The following MGAT4C variants were observed in gnomAD, a reference collection of about 807,000 sequenced individuals.
MGAT4C encodes MGAT4 family member C.
Under a neutral mutation model 40.1 loss-of-function variants are expected in MGAT4C, and 19 were observed. The observed-to-expected ratio is 0.47, with a 90% confidence interval of 0.33 to 0.70. MGAT4C has a LOEUF of 0.70. Ranked by LOEUF, MGAT4C falls within the 30% of genes least tolerant of loss-of-function variation. MGAT4C has a pLI of 0.02. For synonymous variants in MGAT4C, 181 were observed against 187.1 expected, an observed-to-expected ratio of 0.97 and a Z score of 0.27; for missense variants, 491 against 563.2, an observed-to-expected ratio of 0.87 and a Z score of 1.30.
rs372283599 is a variant in MGAT4C, at chr12:86,153,874, G to A, written c.-57+102365C>T. Among the ~76,000 whole-genome samples, 40 of 152,188 alleles carry A rather than the reference G, an allele frequency of 2.6e-4. No homozygotes were observed. In the South Asian group the frequency reaches 6.8e-3, roughly 26 times the overall value. ...TTTGGATATTTCTTTACAGCAGTGT[G>A]AAAATAGACTAATACACTCCCCATG... On this transcript the variant is annotated intron_variant, in intron 1 of 4. Transcript: ENST00000611864.
intron 2 of MGAT4C, among the ~76,000 whole-genome samples, chr12:86,686,133 C>T (rs1019607544): frequency 6.6e-6 from 1 of 151,946 alleles, no homozygotes; most frequent in Non-Finnish European, 1.5e-5. Flanking sequence ...CCCGTCTCAG[C>T]CTCCCAAAGT....
At chr12:86,600,182 A>G (rs74763674) in intron 2 of MGAT4C, among the ~76,000 whole-genome samples, 4,703 of 152,250 alleles carry the variant, frequency 0.031, 122 homozygotes, top group African/African-American at 0.074. Flanking sequence ...CAGGGAAAAC[A>G]TTTCAGACAA....
At chr12:86,696,871 A>T (rs1488545666) in intron 2 of MGAT4C, among the ~76,000 whole-genome samples, 2 of 152,164 alleles carry the variant, frequency 1.3e-5, no homozygotes, top group African/African-American at 2.4e-5. Context: ...CAAATCTATA[A>T]GTAAGAAAGC....
chr12:86,671,956 C>T (rs1049346644), intron 2 of MGAT4C, among the ~76,000 whole-genome samples: 2 of 152,036 alleles, frequency 1.3e-5, no homozygotes, highest in Admixed American at 1.3e-4. Flanking sequence ...ATTTTGAGAA[C>T]ATTTCATCCA....
chr12:86,581,572 T>A (rs996198334), intron 2 of MGAT4C, among the ~76,000 whole-genome samples: 1 of 151,396 alleles, frequency 6.6e-6, no homozygotes, highest in South Asian at 2.1e-4. Context: ...AGTGAGTGAG[T>A]AGTCTTGGCC....
At chr12:86,452,970 T>C (rs1448724348) in intron 2 of MGAT4C, among the ~76,000 whole-genome samples, 2 of 152,186 alleles carry the variant, frequency 1.3e-5, no homozygotes, top group Non-Finnish European at 2.9e-5. Flanking sequence ...CTTAATTGCA[T>C]TGAAATCTTC....
At chr12:86,523,383 C>T (rs541438827) in intron 2 of MGAT4C, among the ~76,000 whole-genome samples, 6 of 152,202 alleles carry the variant, frequency 3.9e-5, no homozygotes, top group Admixed American at 1.3e-4. Flanking sequence ...ATTCAATTTC[C>T]ATGTAAACAT....
intron 3 of MGAT4C, among the ~76,000 whole-genome samples, chr12:86,432,096 G>A (rs143439461): frequency 4.6e-5 from 7 of 152,120 alleles, no homozygotes; most frequent in African/African-American, 1.4e-4. Context: ...TGTTAAGGAG[G>A]TAAAGGGAAT....
intron 2 of MGAT4C, among the ~76,000 whole-genome samples, chr12:86,670,717 C>T (rs2897357): frequency 0.31 from 46,793 of 151,932 alleles, 8,980 homozygotes; most frequent in Admixed American, 0.45. Context: ...CCTGAGAACA[C>T]CTGAAAGATA....
At chr12:86,478,003 A>G (rs1324997571) in intron 2 of MGAT4C, among the ~76,000 whole-genome samples, 1 of 151,954 alleles carries the variant, frequency 6.6e-6, no homozygotes, top group Non-Finnish European at 1.5e-5. Flanking sequence ...TTTCTACTTT[A>G]CTTCCGAATT....
chr12:86,785,962 C>A (rs1182627969), intron 1 of MGAT4C, among the ~76,000 whole-genome samples: 3 of 151,950 alleles, frequency 2.0e-5, no homozygotes, highest in African/African-American at 7.2e-5. Context: ...CTTCTTGGGT[C>A]GTTAAGCAAA....
At chr12:86,159,813 G>T (rs1885394825) in intron 1 of MGAT4C, among the ~76,000 whole-genome samples, 1 of 151,950 alleles carries the variant, frequency 6.6e-6, no homozygotes, top group African/African-American at 2.4e-5. Context: ...TAATTTATGT[G>T]CATAGTTGTC....
At chr12:86,338,665 C>A (rs912724818) in intron 3 of MGAT4C, among the ~76,000 whole-genome samples, 2 of 152,000 alleles carry the variant, frequency 1.3e-5, no homozygotes, top group African/African-American at 4.8e-5. Flanking sequence ...CTTTCTCAGT[C>A]ATAATTTTGC....
At chr12:86,384,264 C>T (rs1956011612) in intron 3 of MGAT4C, among the ~76,000 whole-genome samples, 1 of 152,146 alleles carries the variant, frequency 6.6e-6, no homozygotes, top group South Asian at 2.1e-4. Context: ...TAAAACCATA[C>T]TTAATTTCCA....
chr12:86,829,112 T>C (rs547637460), intron 1 of MGAT4C, among the ~76,000 whole-genome samples: 43 of 151,656 alleles, frequency 2.8e-4, no homozygotes, highest in Middle Eastern at 6.8e-3. Context: ...AGTAATTTCA[T>C]AGCAAAACAC....
intron 2 of MGAT4C, among the ~76,000 whole-genome samples, chr12:86,045,656 A>T (rs558382630): frequency 1.3e-5 from 2 of 152,300 alleles, no homozygotes; most frequent in African/African-American, 4.8e-5. Flanking sequence ...CCTACTGTCT[A>T]TTTTGATAAT....
intron 1 of MGAT4C, among the ~76,000 whole-genome samples, chr12:86,229,307 C>A (rs1951222298): frequency 6.6e-6 from 1 of 151,762 alleles, no homozygotes; most frequent in Non-Finnish European, 1.5e-5. Flanking sequence ...CAATAAATAG[C>A]ATATTTCAAT....
chr12:86,307,298 T>C (rs922299928), intron 4 of MGAT4C, among the ~76,000 whole-genome samples: 2 of 150,734 alleles, frequency 1.3e-5, no homozygotes, highest in Non-Finnish European at 2.9e-5. Context: ...ACTAGCAGCA[T>C]TGGCATGAAT....
At chr12:86,580,787 A>G (rs138550991) in intron 2 of MGAT4C, among the ~76,000 whole-genome samples, 1 of 151,594 alleles carries the variant, frequency 6.6e-6, no homozygotes, top group East Asian at 1.9e-4. Flanking sequence ...CTGTAGGATA[A>G]GATAAACATA....
Sources: gnomAD v4.1 joint callset for allele counts (sites outside exome capture counted in the v4.1 genomes callset) on GRCh38, gnomAD v4.1.1 for gene constraint, MANE v1.5 for transcripts, NCBI Gene and HGNC (gene_info 2026-07-23, HGNC 2026-07-21) for gene names.